MAST2: variants seen among roughly 807,000 people sequenced by gnomAD.
The protein encoded by MAST2 is microtubule-associated serine/threonine-protein kinase 2.
Under a neutral mutation model 147.4 loss-of-function variants are expected in MAST2, and 70 were observed. The ratio of observed to expected loss-of-function variants is 0.47; its 90% CI spans 0.39 to 0.58. MAST2 has a LOEUF of 0.58. Among genes scored for constraint, MAST2 ranks in the 20% least tolerant of loss-of-function variants. The pLI, the probability that MAST2 is intolerant of heterozygous loss-of-function variation, is 0.00. For missense variants in MAST2, 2,080 were observed against 2,302.3 expected (o/e 0.90, Z 1.98); for synonymous variants, 869 against 896.8 (o/e 0.97, Z 0.55).
intron 2 of MAST2, among the ~76,000 whole-genome samples, chr1:45,825,879 C>G (rs533273487): frequency 6.6e-6 from 1 of 151,994 alleles, no homozygotes; most frequent in East Asian, 2.0e-4. Flanking sequence ...GAGTTCAAGA[C>G]CAGCCTGGCC....
chr1:45,957,319 A>G (rs370797737), intron 4 of MAST2, among the ~76,000 whole-genome samples: 3 of 152,154 alleles, frequency 2.0e-5, no homozygotes, highest in Admixed American at 6.5e-5. Flanking sequence ...GTTGGTGCAT[A>G]TTTTAGGTGG....
At chr1:45,998,549 A>G (rs1448890386) in intron 6 of MAST2, among the ~76,000 whole-genome samples, 1 of 152,202 alleles carries the variant, frequency 6.6e-6, no homozygotes, top group African/African-American at 2.4e-5. Flanking sequence ...GAACTTTTCT[A>G]AGATTCTTTG....
chr1:45,959,471 C>G lies in MAST2; in HGVS notation c.586C>G (p.His196Asp), dbSNP rs1480774333. 1 of 1,613,308 alleles carries G rather than the reference C, an allele frequency of 6.2e-7. No individual in the cohort carries two copies. The highest frequency in any genetic ancestry group is 8.5e-7 in the Non-Finnish European group (1 of 1,179,516). ...LPRPHSPLHG[H>D]TGNSPLDSPR... is the part of the protein sequence containing the mutation. Reference sequence around the variant, plus strand: ...ACGGCCACACTCACCACTCCATGGCCACACAGGTGAGTGCTTGAAGGTTAA... The same window carrying G: ...ACGGCCACACTCACCACTCCATGGCGACACAGGTGAGTGCTTGAAGGTTAA... Residue 196 changes from histidine (H) to aspartate (D), a missense_variant, in exon 5 of 29, where the codon CAC (histidine) becomes GAC (aspartate). By Grantham distance (81) the His-to-Asp change is moderately conservative. Around this residue, in one of 4 missense-constraint regions of MAST2, gnomAD observed 569 missense variants for 642.5 expected, o/e 0.89. Transcript: ENST00000361297.
chr1:45,917,251 G>A, intron 4 of MAST2: 2 of 843,946 alleles, frequency 2.4e-6, no homozygotes, highest in Non-Finnish European at 3.3e-6. Context: ...TGAGCTTTTT[G>A]CCTAAACCAA....
intron 5 of MAST2, among the ~76,000 whole-genome samples, chr1:45,971,481 G>A (rs1643910724): frequency 6.6e-6 from 1 of 152,214 alleles, no homozygotes. Context: ...AAAGGTGTCT[G>A]TGTGATTGGG....
chr1:45,823,080 C>T (rs1396001939), intron 1 of MAST2, among the ~76,000 whole-genome samples: 1 of 152,072 alleles, frequency 6.6e-6, no homozygotes. Context: ...ACCAACTTCA[C>T]TCTTCTTTTT....
intron 1 of MAST2, among the ~76,000 whole-genome samples, chr1:45,812,964 T>C (rs1644347278): frequency 6.6e-6 from 1 of 152,158 alleles, no homozygotes; most frequent in South Asian, 2.1e-4. Context: ...TGTTTGCTGC[T>C]ACAGTTGTCC....
At chr1:45,844,549 G>A (rs12032115) in intron 3 of MAST2, among the ~76,000 whole-genome samples, 67,570 of 151,840 alleles carry the variant, frequency 0.45, 15,236 homozygotes, top group East Asian at 0.62. Context: ...TTCCCAAAGT[G>A]CTGAGATTAT....
intron 4 of MAST2, among the ~76,000 whole-genome samples, chr1:45,942,552 G>A (rs763794348): frequency 3.6e-4 from 55 of 152,118 alleles, no homozygotes; most frequent in Admixed American, 7.2e-4. Flanking sequence ...GGGTACATAT[G>A]CAGGTTTGTT....
intron 4 of MAST2, among the ~76,000 whole-genome samples, chr1:45,897,899 GT>G (rs1413629055): frequency 6.6e-6 from 1 of 152,010 alleles, no homozygotes; most frequent in African/African-American, 2.4e-5. Flanking sequence ...GAGGTCAGGA[GT>G]TCGAGACCAG....
At chr1:45,804,480 T>C (rs767158570) in intron 1 of MAST2, among the ~76,000 whole-genome samples, 11 of 152,164 alleles carry the variant, frequency 7.2e-5, no homozygotes, top group Admixed American at 1.3e-4. Context: ...CTTAAAATTG[T>C]AAAAACGGAT....
intron 4 of MAST2, among the ~76,000 whole-genome samples, chr1:45,940,052 C>T (rs1380163130): frequency 9.9e-5 from 13 of 130,814 alleles, no homozygotes; most frequent in Admixed American, 4.6e-4. Context: ...GGCACAATTT[C>T]GGCTCACTGC....
At chr1:46,029,181 CTGTG>C (rs879072236) in intron 18 of MAST2, 8 of 551,004 alleles carry the variant, frequency 1.5e-5, no homozygotes, top group East Asian at 5.8e-5. Context: ...GTGTTCCTGT[CTGTG>C]TATGTGCACA....
intron 5 of MAST2, among the ~76,000 whole-genome samples, chr1:45,961,440 C>G (rs1660403858): frequency 6.6e-6 from 1 of 152,196 alleles, no homozygotes; most frequent in Admixed American, 6.5e-5. Context: ...AGATGATTAT[C>G]TCTCTATTTA....
At chr1:45,880,966 CAA>C (rs10660375) in intron 3 of MAST2, among the ~76,000 whole-genome samples, 8 of 89,836 alleles carry the variant, frequency 8.9e-5, no homozygotes, top group Admixed American at 2.5e-4. Context: ...GACTCCATCT[CAA>C]AAAAAAAAAA....
At chr1:45,897,873 G>A (rs187607733) in intron 4 of MAST2, among the ~76,000 whole-genome samples, 83 of 152,158 alleles carry the variant, frequency 5.5e-4, no homozygotes, top group African/African-American at 2.0e-3. Context: ...GGGAGGCCAA[G>A]GCAGGCAGAT....
At chr1:46,007,564 A>T (rs1434387075) in intron 8 of MAST2, among the ~76,000 whole-genome samples, 1 of 152,200 alleles carries the variant, frequency 6.6e-6, no homozygotes, top group Non-Finnish European at 1.5e-5. Flanking sequence ...CATTCCAGGG[A>T]AGAAAGACAG....
At chr1:45,821,017 A>G (rs1439727778) in intron 1 of MAST2, among the ~76,000 whole-genome samples, 2 of 144,046 alleles carry the variant, frequency 1.4e-5, no homozygotes, top group African/African-American at 2.6e-5. Context: ...TTCTTGCCTC[A>G]TCCTCCTGAG....
chr1:45,997,227 A>G (rs1645092845), intron 5 of MAST2, among the ~76,000 whole-genome samples: 1 of 152,190 alleles, frequency 6.6e-6, no homozygotes, highest in Non-Finnish European at 1.5e-5. Flanking sequence ...GTTTACTACT[A>G]TCCTGAGTCC....
Sources: gnomAD v4.1 joint callset for allele counts (sites outside exome capture counted in the v4.1 genomes callset) on GRCh38, gnomAD v4.1.1 for gene constraint, gnomAD v4.1.1 regional missense constraint, MANE v1.5 for transcripts, NCBI Gene and HGNC (gene_info 2026-07-23, HGNC 2026-07-21) for gene names.